PAK1: variants seen among roughly 807,000 people sequenced by gnomAD.
PAK1 encodes the protein serine/threonine-protein kinase PAK 1.
PAK1 carries 29 observed loss-of-function variants against 67.4 expected under a neutral mutation model. The ratio of observed to expected loss-of-function variants is 0.43; its 90% CI spans 0.32 to 0.59. The LOEUF (loss-of-function observed/expected upper bound fraction) is 0.59. PAK1 is among the 20% of genes least tolerant of loss of function. PAK1 has a pLI of 0.07. For synonymous variants in PAK1, 223 were observed against 237.4 expected (o/e 0.94, Z 0.56); for missense variants, 337 against 670.7 (o/e 0.50, Z 5.50).
chr11:77,383,443 A>T (rs983598365), intron 2 of PAK1, among the ~76,000 whole-genome samples: 2 of 150,716 alleles, frequency 1.3e-5, no homozygotes, highest in Non-Finnish European at 2.9e-5. Context: ...TCCCTGCCTC[A>T]GCCTCCCAAG....
intron 2 of PAK1, among the ~76,000 whole-genome samples, chr11:77,389,152 C>G (rs1247721101): frequency 6.6e-6 from 1 of 152,202 alleles, no homozygotes; most frequent in African/African-American, 2.4e-5. Flanking sequence ...TTTACCAATG[C>G]TGGACATTTC....
At chr11:77,345,090 C>G (rs568047819) in intron 9 of PAK1, among the ~76,000 whole-genome samples, 1 of 152,258 alleles carries the variant, frequency 6.6e-6, no homozygotes, top group South Asian at 2.1e-4. Flanking sequence ...TGCCTTTTCC[C>G]TTCTTTAAAG....
intron 1 of PAK1, among the ~76,000 whole-genome samples, chr11:77,398,791 A>C (rs1454659607): frequency 6.6e-6 from 1 of 152,140 alleles, no homozygotes; most frequent in Non-Finnish European, 1.5e-5. Flanking sequence ...CTCTCTGCCA[A>C]AGGATTTTCC....
Position 77,355,731 on chromosome 11 carries a change from G to T in PAK1, c.709C>A (p.Arg237=). 1.2e-6 allele frequency: 2 copies of T among 1,613,232 alleles called. No homozygotes were observed. The highest frequency in any genetic ancestry group is 2.2e-5 in the East Asian group (1 of 44,870). The part of the protein sequence containing the change: ...NNTTPPDALT[R]NTEKQKKKPK... Reference sequence around the variant, plus strand: ...TTCTTCTTCTGCTTCTCAGTATTCCGGGTCAAAGCATCTGGTGGAGTGGTG... The same window carrying T: ...TTCTTCTTCTGCTTCTCAGTATTCCTGGTCAAAGCATCTGGTGGAGTGGTG... Residue 237 remains arginine (R), a synonymous_variant, in exon 7 of 15, where the codon CGG becomes AGG. Transcript: ENST00000356341.
chr11:77,523,846 T>C, the PAK1 span, among the ~76,000 whole-genome samples: 1 of 152,194 alleles, frequency 6.6e-6, no homozygotes, highest in African/African-American at 2.4e-5. Flanking sequence ...TTCAATCTGG[T>C]GAAGCTCCAG....
chr11:77,451,486 A>T (rs1956848859), intron 1 of PAK1, among the ~76,000 whole-genome samples: 1 of 152,208 alleles, frequency 6.6e-6, no homozygotes, highest in Non-Finnish European at 1.5e-5. Flanking sequence ...AAACATAAAA[A>T]TACACAAGTT....
intron 1 of PAK1, among the ~76,000 whole-genome samples, chr11:77,460,126 G>A (rs7934230): frequency 0.24 from 35,880 of 148,956 alleles, 4,932 homozygotes; most frequent in Non-Finnish European, 0.31. Context: ...AAGGCCCTGA[G>A]GAGAGACAGA....
chr11:77,363,700 C>A (rs1181931179), intron 5 of PAK1, among the ~76,000 whole-genome samples: 1 of 152,124 alleles, frequency 6.6e-6, no homozygotes, highest in East Asian at 1.9e-4. Context: ...AAGCAGACTG[C>A]CAGGTATGGC....
At chr11:77,514,313 G>A in the PAK1 span, among the ~76,000 whole-genome samples, 3 of 152,096 alleles carry the variant, frequency 2.0e-5, no homozygotes, top group Non-Finnish European at 4.4e-5. Context: ...GGCCAACATG[G>A]TGAAACCTCA....
the PAK1 span, among the ~76,000 whole-genome samples, chr11:77,494,442 G>A: frequency 6.6e-6 from 1 of 152,064 alleles, no homozygotes; most frequent in African/African-American, 2.4e-5. Context: ...TGCCCAGGCT[G>A]GTATCGAACT....
At chr11:77,427,479 C>T (rs995359331) in intron 1 of PAK1, among the ~76,000 whole-genome samples, 5 of 152,066 alleles carry the variant, frequency 3.3e-5, no homozygotes, top group African/African-American at 1.2e-4. Flanking sequence ...TATCTAGACC[C>T]AAGGATGCCA....
chr11:77,483,024 T>C, the PAK1 span, among the ~76,000 whole-genome samples: 1 of 152,096 alleles, frequency 6.6e-6, no homozygotes, highest in South Asian at 2.1e-4. Flanking sequence ...GGGTGAAACC[T>C]TGTCTCTACT....
intron 1 of PAK1, among the ~76,000 whole-genome samples, chr11:77,423,390 G>A (rs977034984): frequency 4.2e-4 from 56 of 133,840 alleles, no homozygotes; most frequent in Non-Finnish European, 6.7e-4. Context: ...TGGCTTTCAA[G>A]TTGCTTTCAA....
At chr11:77,506,771 T>C in the PAK1 span, among the ~76,000 whole-genome samples, 6 of 152,152 alleles carry the variant, frequency 3.9e-5, no homozygotes, top group African/African-American at 1.4e-4. Flanking sequence ...TTTATTAAAG[T>C]GGGGCCAGGG....
intron 2 of PAK1, among the ~76,000 whole-genome samples, chr11:77,380,706 T>C (rs1256445036): frequency 1.3e-5 from 2 of 152,220 alleles, no homozygotes; most frequent in African/African-American, 4.8e-5. Flanking sequence ...TAAGTGTTTA[T>C]CTTCCATACC....
chr11:77,343,263 T>TAAAA (rs35680227), intron 10 of PAK1, among the ~76,000 whole-genome samples: 1 of 147,730 alleles, frequency 6.8e-6, no homozygotes, highest in African/African-American at 2.5e-5. Flanking sequence ...CAAGCTTACG[T>TAAAA]AAAAAAAAAA....
chr11:77,428,568 T>C (rs1955680897), intron 1 of PAK1, among the ~76,000 whole-genome samples: 1 of 142,628 alleles, frequency 7.0e-6, no homozygotes, highest in South Asian at 2.2e-4. Context: ...CAAGACTCCA[T>C]CTCAAAAAAA....
intron 1 of PAK1, among the ~76,000 whole-genome samples, chr11:77,451,759 C>T (rs1200029436): frequency 3.3e-5 from 5 of 150,694 alleles, no homozygotes; most frequent in East Asian, 1.9e-4. Context: ...CCACCACGCC[C>T]GGCTAATTTT....
At chr11:77,505,508 T>C in the PAK1 span, among the ~76,000 whole-genome samples, 13 of 152,346 alleles carry the variant, frequency 8.5e-5, no homozygotes, top group East Asian at 2.3e-3. Flanking sequence ...TTTATTTATC[T>C]GGCTTTTCTC....
Sources: gnomAD v4.1 joint callset for allele counts (sites outside exome capture counted in the v4.1 genomes callset) on GRCh38, gnomAD v4.1.1 for gene constraint, MANE v1.5 for transcripts, NCBI Gene and HGNC (gene_info 2026-07-23, HGNC 2026-07-21) for gene names.